The following DLGAP2 variants were observed in gnomAD, a reference collection of about 807,000 sequenced individuals.
DLGAP2 encodes the protein DLG associated protein 2.
Under a neutral mutation model 100.3 loss-of-function variants are expected in DLGAP2, and 26 were observed. The observed-to-expected ratio is 0.26, with a 90% CI of 0.19 to 0.36. The LOEUF (loss-of-function observed/expected upper bound fraction) is 0.36. DLGAP2 is among the 10% of genes least tolerant of loss of function. The pLI is 1.00. For missense variants in DLGAP2, 1,858 were observed against 1,453.2 expected, an observed-to-expected ratio of 1.28 and a Z score of -4.53; for synonymous variants, 886 against 630.1, an observed-to-expected ratio of 1.41 and a Z score of -6.08.
chr8:1,184,769 C>T (rs984237723), intron 2 of DLGAP2, among the ~76,000 whole-genome samples: 4 of 152,146 alleles, frequency 2.6e-5, no homozygotes, highest in South Asian at 2.1e-4. Context: ...ATGCTGGTGA[C>T]GATGACTGGT....
chr8:1,254,932 CCCTCTCCTGCCCGGGTGCTGTGTGTGTGT>C (rs1339565459), intron 2 of DLGAP2, among the ~76,000 whole-genome samples: 3,292 of 84,354 alleles, frequency 0.039, 99 homozygotes, highest in Admixed American at 0.091. Flanking sequence ...TGTGTGTGTG[CCCTCTCCTGCCCGGGTGCTGTGTGTGTGT>C]CCTCTCATCC....
chr8:1,383,047 G>A (rs1430785832), intron 3 of DLGAP2, among the ~76,000 whole-genome samples: 1 of 152,210 alleles, frequency 6.6e-6, no homozygotes, highest in Admixed American at 6.5e-5. Context: ...CAAATCGAAG[G>A]ATCTTTGGAC....
chr8:1,235,049 C>G (rs1388550127), intron 2 of DLGAP2, among the ~76,000 whole-genome samples: 2 of 151,672 alleles, frequency 1.3e-5, no homozygotes, highest in East Asian at 3.9e-4. Context: ...GGCGCCATGT[C>G]TAGTTCTCTC....
intron 2 of DLGAP2, among the ~76,000 whole-genome samples, chr8:1,088,160 G>C (rs557977154): frequency 6.6e-6 from 1 of 152,348 alleles, no homozygotes; most frequent in East Asian, 1.9e-4. Context: ...CCACCTTCCA[G>C]ACGACTTCCC....
chr8:1,523,762 C>T (rs1563200662), intron 4 of DLGAP2, among the ~76,000 whole-genome samples: 2 of 152,230 alleles, frequency 1.3e-5, no homozygotes, highest in South Asian at 4.1e-4. Flanking sequence ...CGTTACATCC[C>T]TAAAAGACAA....
intron 2 of DLGAP2, among the ~76,000 whole-genome samples, chr8:1,122,219 G>A (rs964595707): frequency 6.6e-6 from 1 of 152,182 alleles, no homozygotes; most frequent in East Asian, 1.9e-4. Context: ...GAATGAAATG[G>A]GACATCACTG....
chr8:1,042,907 G>A (rs1210538316), intron 2 of DLGAP2, among the ~76,000 whole-genome samples: 6 of 112,720 alleles, frequency 5.3e-5, no homozygotes, highest in Non-Finnish European at 9.2e-5. Flanking sequence ...TGGGTGGTGG[G>A]TGTGGGTGGT....
chr8:756,025 C>T (rs192022675), intron 1 of DLGAP2, among the ~76,000 whole-genome samples: 38 of 152,248 alleles, frequency 2.5e-4, no homozygotes, highest in African/African-American at 8.4e-4. Context: ...AGGTTATAAC[C>T]GGTATTTGGC....
chr8:1,421,982 A>AAAAAAGG (rs898258674), intron 3 of DLGAP2, among the ~76,000 whole-genome samples: 4 of 152,000 alleles, frequency 2.6e-5, no homozygotes, highest in African/African-American at 9.7e-5. Flanking sequence ...AAGAAAAAAG[A>AAAAAAGG]AAAAAGAGAA....
At chr8:1,530,216 G>A (rs1367230750) in intron 4 of DLGAP2, among the ~76,000 whole-genome samples, 4 of 152,166 alleles carry the variant, frequency 2.6e-5, no homozygotes, top group African/African-American at 4.8e-5. Flanking sequence ...AACCACAGGA[G>A]ACAGGTGCAC....
chr8:920,824 A>G (rs1368805842), intron 2 of DLGAP2, among the ~76,000 whole-genome samples: 5 of 152,182 alleles, frequency 3.3e-5, no homozygotes, highest in Non-Finnish European at 7.3e-5. Flanking sequence ...AATTGCAAAA[A>G]TGATTTTCAG....
intron 2 of DLGAP2, among the ~76,000 whole-genome samples, chr8:1,115,893 G>A (rs1333136257): frequency 2.0e-5 from 3 of 152,210 alleles, no homozygotes; most frequent in Admixed American, 6.5e-5. Context: ...TGTATGGAAC[G>A]TTGTTGTCCT....
At chr8:1,296,725 GC>G (rs1366818672) in intron 3 of DLGAP2, among the ~76,000 whole-genome samples, 1 of 152,220 alleles carries the variant, frequency 6.6e-6, no homozygotes. Context: ...AGCGTCAAAG[GC>G]TCTTTGGGTT....
At chr8:1,085,960 G>A (rs746046820) in intron 2 of DLGAP2, among the ~76,000 whole-genome samples, 3 of 152,036 alleles carry the variant, frequency 2.0e-5, no homozygotes, top group Non-Finnish European at 4.4e-5. Context: ...CTAGTTTTTA[G>A]TTATGGTTCT....
At chr8:1,191,330 C>T (rs1797632106) in intron 2 of DLGAP2, among the ~76,000 whole-genome samples, 1 of 151,930 alleles carries the variant, frequency 6.6e-6, no homozygotes, top group Non-Finnish European at 1.5e-5. Flanking sequence ...GCCACCACGC[C>T]CGGCTAATTT....
chr8:987,758 A>G (rs935458937), intron 2 of DLGAP2, among the ~76,000 whole-genome samples: 1 of 152,090 alleles, frequency 6.6e-6, no homozygotes, highest in Admixed American at 6.6e-5. Flanking sequence ...GGCAGTTGCT[A>G]TTTAAGCGCT....
rs1029659696 is a variant in DLGAP2 at position 1,288,648 on chromosome 8, C to T, written c.106+29765C>T. ...AGTTTCATTTCAGTGTGTGTGTGTA[C>T]GTAGTTAGGAGGGGAACTTGTTTCG... On this transcript the variant is annotated intron_variant, in intron 3 of 14. Coordinates refer to ENST00000637795, the MANE Select transcript of DLGAP2 (RefSeq NM_001346810.2). Among the ~76,000 whole-genome samples, 6 of 108,996 alleles carry T rather than the reference C, an allele frequency of 5.5e-5. No individual in the cohort carries two copies. In the East Asian group the frequency reaches 9.1e-4, roughly 16 times the overall value. 71.5% of individuals were successfully genotyped at this position (108,996 alleles called of 152,430 possible). A position where few individuals can be genotyped will look rare whatever the true frequency, so the allele number is the denominator to read the frequency against.
At chr8:1,417,727 A>ACGGGG in intron 3 of DLGAP2, among the ~76,000 whole-genome samples, 1 of 111,512 alleles carries the variant, frequency 9.0e-6, no homozygotes, top group Non-Finnish European at 2.0e-5. Context: ...GAGGCTCCAG[A>ACGGGG]CACAGAAGCC....
intron 1 of DLGAP2, among the ~76,000 whole-genome samples, chr8:778,923 G>A (rs894962051): frequency 6.6e-6 from 1 of 152,214 alleles, no homozygotes; most frequent in African/African-American, 2.4e-5. Context: ...GGCAATGGTG[G>A]GCGCCCCTCC....
Sources: allele counts gnomAD v4.1 joint callset (sites outside exome capture counted in the v4.1 genomes callset), GRCh38; gene constraint gnomAD v4.1.1; transcripts MANE v1.5; gene names NCBI Gene and HGNC (gene_info 2026-07-23, HGNC 2026-07-21).